The following GGTLC2 variants were observed in gnomAD, a reference collection of about 807,000 sequenced individuals.
GGTLC2 encodes gamma-glutamyltransferase light chain 2.
GGTLC2 carries 13 observed loss-of-function variants against 20.2 expected under a neutral mutation model. The ratio of observed to expected loss-of-function variants is 0.64; its 90% CI spans 0.42 to 1.02. The LOEUF (loss-of-function observed/expected upper bound fraction) is 1.02, where lower values mean the gene tolerates loss of function less well. Among genes scored for constraint, GGTLC2 ranks in the 50% least tolerant of loss-of-function variants. GGTLC2 has a pLI of 0.00. For missense variants in GGTLC2, 202 were observed against 301.3 expected (o/e 0.67, Z 2.44); for synonymous variants, 89 against 125.5 (o/e 0.71, Z 1.94).
Position 22,647,888 on chromosome 22 carries a change from C to G in GGTLC2, c.*147C>G. On this transcript the variant is annotated 3_prime_UTR_variant, in exon 6 of 6. Transcript: ENST00000448514. ...ACTGTGCCAGGCTCCAGGTGGCCTC[C>G]CTGCCCTGTCTCCCCACTCTCTGGG... is the stretch of plus-strand genomic sequence containing the variant. 2 of 1,281,628 alleles carry G rather than the reference C, an allele frequency of 1.6e-6. No individual in the cohort carries two copies. Among genetic ancestry groups the G allele is most frequent in the Non-Finnish European group, 2.2e-6 (2 of 922,280 alleles). The allele number at this position is 1,281,628 out of a possible 1,614,324, so 79.4% of individuals were successfully genotyped here. A position where few individuals can be genotyped will look rare whatever the true frequency, so the allele number is the denominator to read the frequency against.
At chr22:22,645,210 G>A (rs1202776712) in intron 1 of GGTLC2, among the ~76,000 whole-genome samples, 3 of 151,202 alleles carry the variant, frequency 2.0e-5, no homozygotes, top group Non-Finnish European at 2.9e-5. Flanking sequence ...CACCGCGCCC[G>A]GTGTTGAAAC....
chr22:22,646,771 G>A lies in GGTLC2; in HGVS notation c.194G>A (p.Arg65His), dbSNP rs372117006. 869 of 1,610,582 alleles carry A rather than the reference G, an allele frequency of 5.4e-4. 5 individuals carry two copies. The South Asian group carries it at 7.5e-3, about 14-fold the overall frequency. The change falls in exon 3 of 6, where the codon CGC becomes CAC. Residue 65 changes from arginine to histidine, a missense_variant. Physicochemically the swap from Arg to His is conservative, Grantham distance 29. Around this residue, in one of 4 missense-constraint regions of GGTLC2, gnomAD observed 71 missense variants for 63.0 expected, o/e 1.13. Transcript: ENST00000448514. ...TINLYFGSKV[R>H]SPVSEILFND... ...GGCGGTAGCTTTGGCTCCAAGGTCC[G>A]CTCCCCGGTCAGCGAGATCCTGTTC... is the stretch of plus-strand genomic sequence containing the variant.
chr22:22,645,203 C>A (rs1249819692), intron 1 of GGTLC2, among the ~76,000 whole-genome samples: 1 of 151,484 alleles, frequency 6.6e-6, no homozygotes, highest in East Asian at 2.0e-4. Context: ...CGTGAGCCAC[C>A]GCGCCCGGTG....
chr22:22,647,191 C>T lies in GGTLC2; in HGVS notation c.411C>T (p.Asn137=). 1 of 1,611,558 alleles carries T rather than the reference C, an allele frequency of 6.2e-7. No individual in the cohort carries two copies. The highest frequency in any genetic ancestry group is 8.5e-7 in the Non-Finnish European group (1 of 1,179,728). Reference sequence around the variant, plus strand: ...CCATGCCCCAGGCCATCATCTACAACCTCTGGTTCGGCTATGACGTGAAGC... The same window carrying T: ...CCATGCCCCAGGCCATCATCTACAATCTCTGGTTCGGCTATGACGTGAAGC... The part of the protein sequence containing the change: ...HTPMPQAIIY[N]LWFGYDVKRA... The change falls in exon 5 of 6, where the codon AAC becomes AAT. Residue 137 remains asparagine, a synonymous_variant. Transcript: ENST00000448514.
At chr22:22,645,590 T>C (rs1453579357) in intron 1 of GGTLC2, among the ~76,000 whole-genome samples, 1 of 150,780 alleles carries the variant, frequency 6.6e-6, no homozygotes, top group Non-Finnish European at 1.5e-5. Flanking sequence ...CAGCCTCCCC[T>C]TTGGGCTTTA....
Position 22,647,828 on chromosome 22 carries a change from C to T in GGTLC2, c.*87C>T. 1 of 1,592,346 alleles carries T rather than the reference C, an allele frequency of 6.3e-7. No homozygotes were observed. The highest frequency in any genetic ancestry group is 1.1e-5 in the South Asian group (1 of 89,080). On this transcript the variant is annotated 3_prime_UTR_variant, in exon 6 of 6. Coordinates refer to ENST00000448514, the MANE Select transcript of GGTLC2 (RefSeq NM_199127.3). ...AGGGGACTCTGGGGGACTGGCTTCC[C>T]CTGTGAGCAGCAGAGCAGCACAATA...
intron 1 of GGTLC2, 33 bp from the exon 2 acceptor site, chr22:22,646,279 T>TCCCCAGGCCCCCC: frequency 1.2e-6 from 1 of 827,336 alleles, no homozygotes; most frequent in Non-Finnish European, 1.8e-6. Context: ...GAGACCTGTG[T>TCCCCAGGCCCCCC]CCCCTCCCCA....
At position 22,646,393 on chromosome 22, in the gene GGTLC2, C is replaced by T. The variant is rs745311762; in HGVS notation, c.48C>T (p.Asp16=). 1.2e-5 allele frequency: 19 copies of T among 1,570,000 alleles called. No individual in the cohort carries two copies. The highest frequency in any genetic ancestry group is 4.6e-5 in the East Asian group (2 of 43,016). Residue 16 remains aspartate, a synonymous_variant, in exon 2 of 6, where the codon GAC becomes GAT. Transcript: ENST00000448514. The stretch of plus-strand genomic sequence containing the variant: ...CCCAGCTCCGGGCCCAGATCTCTGA[C>T]GACACCACTCACCCGATCTCCTACT... ...FAAQLRAQIS[D]DTTHPISYYK...
In GGTLC2 at chr22:22,646,873, T is replaced by C. The variant is rs2064113228; in HGVS notation, c.296T>C (p.Ile99Thr). 1 of 1,595,222 alleles carries C rather than the reference T, an allele frequency of 6.3e-7. No individual in the cohort carries two copies. Among genetic ancestry groups the C allele is most frequent in the Non-Finnish European group, 8.5e-7 (1 of 1,171,484 alleles). ...GTGCCCCCCTCACCTGCCAATTTCA[T>C]CCAGCCAGGTATGGGGTGGAGGTCT... is the stretch of plus-strand genomic sequence containing the variant. The part of the protein sequence containing the change: ...FGVPPSPANF[I>T]QPGKQPLSSM... Residue 99 changes from isoleucine to threonine, a missense_variant, in exon 3 of 6, where the codon ATC (isoleucine) becomes ACC (threonine). Physicochemically the swap from Ile to Thr is moderately conservative, Grantham distance 89. Coordinates refer to ENST00000448514, the MANE Select transcript of GGTLC2 (RefSeq NM_199127.3).
In GGTLC2 at chr22:22,647,002, A is replaced by G; in HGVS notation, c.324A>G (p.Ser108=). 1.2e-6 allele frequency: 2 copies of G among 1,611,506 alleles called. No individual in the cohort carries two copies. Among genetic ancestry groups the G allele is most frequent in the Non-Finnish European group, 1.7e-6 (2 of 1,179,702 alleles). ...FIQPGKQPLS[S]MCPTIMVGQD... ...CCACAGGGAAGCAGCCGCTCTCGTC[A>G]ATGTGCCCGACGATCATGGTGGGCC... The change falls in exon 4 of 6, where the codon TCA becomes TCG. Residue 108 remains serine, a synonymous_variant. Transcript: ENST00000448514.
At chr22:22,647,440 C>T (rs1404486085) in intron 5 of GGTLC2, 150 bp downstream of exon 5, 2 of 1,005,824 alleles carry the variant, frequency 2.0e-6, no homozygotes, top group African/African-American at 1.6e-5. Flanking sequence ...AGGGCCAAGC[C>T]CCCTGCTCCA....
rs761423592 is a variant in GGTLC2, at chr22:22,646,785, G to C, written c.208G>C (p.Glu70Gln). ...FGSKVRSPVS[E>Q]ILFNDEMDDF... Reference sequence around the variant, plus strand: ...CTCCAAGGTCCGCTCCCCGGTCAGCGAGATCCTGTTCAATGATGAAATGGA... The same window carrying C: ...CTCCAAGGTCCGCTCCCCGGTCAGCCAGATCCTGTTCAATGATGAAATGGA... The change falls in exon 3 of 6, where the codon GAG (glutamate) becomes CAG (glutamine). Residue 70 changes from glutamate to glutamine, a missense_variant. Transcript: ENST00000448514. The C allele has an allele frequency of 1.2e-6, 2 of 1,608,882 alleles. No homozygotes were observed. The highest frequency in any genetic ancestry group is 1.1e-5 in the South Asian group (1 of 90,320).
intron 1 of GGTLC2, among the ~76,000 whole-genome samples, chr22:22,645,615 A>G (rs903389661): frequency 1.7e-4 from 26 of 150,878 alleles, no homozygotes; most frequent in African/African-American, 5.6e-4. Context: ...TATCCCCGTC[A>G]TAGCTGCCAG....
At position 22,647,125 on chromosome 22, in the gene GGTLC2, T is replaced by G. The variant is rs762097655; in HGVS notation, c.361-16T>G. 51 of 1,611,622 alleles carry G rather than the reference T, an allele frequency of 3.2e-5. No individual in the cohort carries two copies. Among genetic ancestry groups the G allele is most frequent in the Non-Finnish European group, 4.3e-5 (51 of 1,179,784 alleles). On this transcript the variant is annotated splice_polypyrimidine_tract_variant and intron_variant, in intron 4 of 5. Coordinates refer to ENST00000448514, the MANE Select transcript of GGTLC2 (RefSeq NM_199127.3). Reference sequence around the variant, plus strand: ...GTGTCACCCCTTTTCTCCCTGGCCGTGCCCACCCTGCACAGCCCCCAAGCC... The same window carrying G: ...GTGTCACCCCTTTTCTCCCTGGCCGGGCCCACCCTGCACAGCCCCCAAGCC...
chr22:22,645,507 C>T (rs1213824728), intron 1 of GGTLC2, among the ~76,000 whole-genome samples: 1 of 150,836 alleles, frequency 6.6e-6, no homozygotes, highest in East Asian at 2.0e-4. Flanking sequence ...GGGTTTACCT[C>T]GCTAGTCGGC....
At chr22:22,645,614 C>T (rs2064042341) in intron 1 of GGTLC2, among the ~76,000 whole-genome samples, 1 of 150,922 alleles carries the variant, frequency 6.6e-6, no homozygotes, top group Non-Finnish European at 1.5e-5. Flanking sequence ...TTATCCCCGT[C>T]ATAGCTGCCA....
Position 22,645,631 on chromosome 22 carries a change from C to T in GGTLC2, c.-34-681C>T, listed in dbSNP as rs5751463. On this transcript the variant is annotated intron_variant, in intron 1 of 5. Coordinates refer to ENST00000448514, the MANE Select transcript of GGTLC2 (RefSeq NM_199127.3). Reference sequence around the variant, plus strand: ...ATCCCCGTCATAGCTGCCAGAGGGACCCTGTGAAAACACTCCCCAGCCTGC... The same window carrying T: ...ATCCCCGTCATAGCTGCCAGAGGGATCCTGTGAAAACACTCCCCAGCCTGC... 4.1e-3 allele frequency among the ~76,000 whole-genome samples: 611 copies of T among 148,758 alleles called. 13 individuals carry two copies. The East Asian group carries it at 0.041, about 10-fold the overall frequency.
intron 1 of GGTLC2, among the ~76,000 whole-genome samples, chr22:22,645,433 C>T (rs74394689): frequency 6.7e-6 from 1 of 149,314 alleles, no homozygotes; most frequent in Non-Finnish European, 1.5e-5. Context: ...CACCCATGCT[C>T]TTCAGGTCTG....
intron 1 of GGTLC2, among the ~76,000 whole-genome samples, chr22:22,644,937 C>T (rs1331991104): frequency 9.1e-6 from 1 of 110,226 alleles, no homozygotes; most frequent in Non-Finnish European, 1.7e-5. Context: ...GTCGCCCAGG[C>T]TGGATTCCAG....
Sources: allele counts gnomAD v4.1 joint callset (sites outside exome capture counted in the v4.1 genomes callset), GRCh38; gene constraint gnomAD v4.1.1; regional missense constraint gnomAD v4.1.1; transcripts MANE v1.5; gene names NCBI Gene and HGNC (gene_info 2026-07-23, HGNC 2026-07-21).